ALK: variants seen among roughly 807,000 people sequenced by gnomAD.
ALK encodes ALK tyrosine kinase receptor.
A neutral mutation model predicts 163.1 loss-of-function variants in ALK; 74 were observed. The ratio of observed to expected loss-of-function variants is 0.45; its 90% CI spans 0.38 to 0.55. ALK has a LOEUF of 0.55. ALK is among the 20% of genes least tolerant of loss of function. The pLI, the probability that ALK is intolerant of heterozygous loss-of-function variation, is 0.00. For missense variants in ALK, 2,063 were observed against 2,105.3 expected (o/e 0.98, Z 0.39); for synonymous variants, 960 against 843.2 (o/e 1.14, Z -2.40).
At chr2:29,614,390 G>A (rs1439586926) in intron 3 of ALK, among the ~76,000 whole-genome samples, 1 of 152,184 alleles carries the variant, frequency 6.6e-6, no homozygotes, top group African/African-American at 2.4e-5. Context: ...AACCATGGTA[G>A]GCCCTGTGAA....
intron 2 of ALK, among the ~76,000 whole-genome samples, chr2:29,715,376 G>A (rs1679218632): frequency 6.6e-6 from 1 of 152,310 alleles, no homozygotes; most frequent in East Asian, 1.9e-4. Context: ...CAGACCAGGA[G>A]GAGAGTTTGA....
chr2:29,312,217 G>C (rs1198252009), intron 8 of ALK, among the ~76,000 whole-genome samples: 3 of 152,128 alleles, frequency 2.0e-5, no homozygotes, highest in Admixed American at 6.5e-5. Flanking sequence ...GATAATAATA[G>C]TAATGGCTAC....
At chr2:29,725,149 T>C (rs1679534301) in intron 1 of ALK, among the ~76,000 whole-genome samples, 1 of 5,430 alleles carries the variant, frequency 1.8e-4, no homozygotes, top group African/African-American at 1.7e-3. Flanking sequence ...CAGGCTATCC[T>C]ATACCAAAAA....
intron 1 of ALK, among the ~76,000 whole-genome samples, chr2:29,774,209 C>T (rs975765503): frequency 1.3e-5 from 2 of 152,220 alleles, no homozygotes; most frequent in Non-Finnish European, 2.9e-5. Flanking sequence ...TCTCTCCCCC[C>T]TGTTGCTTTG....
chr2:29,427,249 A>T (rs900261130), intron 4 of ALK, among the ~76,000 whole-genome samples: 17 of 152,080 alleles, frequency 1.1e-4, no homozygotes, highest in African/African-American at 3.9e-4. Context: ...GGTAAATACG[A>T]AGGTTAGTAT....
chr2:29,810,190 G>C (rs1388328838), intron 1 of ALK, among the ~76,000 whole-genome samples: 1 of 152,134 alleles, frequency 6.6e-6, no homozygotes, highest in African/African-American at 2.4e-5. Context: ...GGGAGGCCAA[G>C]GCGGGTGAAT....
At chr2:29,592,928 C>A (rs557372044) in intron 3 of ALK, among the ~76,000 whole-genome samples, 1 of 152,104 alleles carries the variant, frequency 6.6e-6, no homozygotes, top group Non-Finnish European at 1.5e-5. Flanking sequence ...AGAATGGCCC[C>A]GCTGCAACTT....
intron 8 of ALK, among the ~76,000 whole-genome samples, chr2:29,316,104 G>A (rs556936915): frequency 6.6e-6 from 1 of 152,304 alleles, no homozygotes; most frequent in South Asian, 2.1e-4. Context: ...CCGCCCGGGA[G>A]GAGGAAATCA....
chr2:29,744,099 A>G (rs1573600953), intron 1 of ALK, among the ~76,000 whole-genome samples: 1 of 152,240 alleles, frequency 6.6e-6, no homozygotes, highest in South Asian at 2.1e-4. Context: ...CTATTTTCAT[A>G]TTAGTTTCCT....
chr2:29,484,347 G>C (rs758071736), intron 4 of ALK, among the ~76,000 whole-genome samples: 4 of 152,030 alleles, frequency 2.6e-5, no homozygotes, highest in African/African-American at 9.7e-5. Flanking sequence ...ATATGTGTGT[G>C]TATATATCTA....
chr2:29,638,161 G>A (rs1218594467), intron 3 of ALK, among the ~76,000 whole-genome samples: 5 of 152,102 alleles, frequency 3.3e-5, no homozygotes, highest in Non-Finnish European at 7.4e-5. Context: ...CAACAATGGC[G>A]GAAAGCGGAG....
rs142966288 is a variant in ALK, at chr2:29,567,462, T to C, written c.953-35346A>G. On this transcript the variant is annotated intron_variant, in intron 3 of 28. Coordinates refer to ENST00000389048, the MANE Select transcript of ALK (RefSeq NM_004304.5). ...GACCTGTCCTGTGCTTGGCACTTAG[T>C]ACGTATTCAAGTATTCTCTTGAATT... Among the ~76,000 whole-genome samples the C allele has an allele frequency of 4.9e-3, 754 of 152,346 alleles. 4 individuals carry two copies. The highest frequency in any genetic ancestry group is 7.8e-3 in the Non-Finnish European group (533 of 68,034).
chr2:29,309,213 A>T (rs1026049427), intron 8 of ALK, among the ~76,000 whole-genome samples: 1 of 152,044 alleles, frequency 6.6e-6, no homozygotes, highest in Non-Finnish European at 1.5e-5. Context: ...TCTGGGGAGT[A>T]TTTTTCCCTG....
chr2:29,245,948 G>C (rs1664659464), intron 12 of ALK, among the ~76,000 whole-genome samples: 1 of 152,260 alleles, frequency 6.6e-6, no homozygotes, highest in South Asian at 2.1e-4. Context: ...CCCCAGGTGA[G>C]GAAATGAGTG....
intron 1 of ALK, among the ~76,000 whole-genome samples, chr2:29,838,422 A>C (rs531974311): frequency 6.6e-6 from 1 of 152,178 alleles, no homozygotes; most frequent in Non-Finnish European, 1.5e-5. Flanking sequence ...AGGGCACATC[A>C]TAATCAAATT....
At chr2:29,519,824 T>C (rs1203274539) in intron 4 of ALK, among the ~76,000 whole-genome samples, 1 of 152,210 alleles carries the variant, frequency 6.6e-6, no homozygotes, top group South Asian at 2.1e-4. Flanking sequence ...GACTGCCGAT[T>C]AGAATTTCAT....
At chr2:29,913,651 G>A (rs527951571) in intron 1 of ALK, among the ~76,000 whole-genome samples, 3 of 152,302 alleles carry the variant, frequency 2.0e-5, no homozygotes, top group African/African-American at 7.2e-5. Flanking sequence ...CAATGGCTCA[G>A]CTATGGTTCA....
intron 8 of ALK, among the ~76,000 whole-genome samples, chr2:29,308,697 C>G (rs1223712381): frequency 6.6e-6 from 1 of 152,218 alleles, no homozygotes; most frequent in African/African-American, 2.4e-5. Context: ...GTGGGGTCAA[C>G]AGTACCCTGC....
At chr2:29,857,849 C>CT (rs1340794793) in intron 1 of ALK, among the ~76,000 whole-genome samples, 5 of 152,170 alleles carry the variant, frequency 3.3e-5, no homozygotes, top group Admixed American at 3.3e-4. Flanking sequence ...TTTTGTTAAA[C>CT]TTTTTATCTT....
Sources: gnomAD v4.1 joint callset for allele counts (sites outside exome capture counted in the v4.1 genomes callset) on GRCh38, gnomAD v4.1.1 for gene constraint, MANE v1.5 for transcripts, NCBI Gene and HGNC (gene_info 2026-07-23, HGNC 2026-07-21) for gene names.